MAP3K7: variants seen among roughly 807,000 people sequenced by gnomAD.
MAP3K7 encodes the protein mitogen-activated protein kinase kinase kinase 7.
In MAP3K7, 21 loss-of-function variants were observed where a neutral mutation model predicts 84.8. The observed-to-expected ratio is 0.25, with a 90% confidence interval of 0.18 to 0.36. The LOEUF (loss-of-function observed/expected upper bound fraction) is 0.36. Ranked by LOEUF, MAP3K7 falls within the 10% of genes least tolerant of loss-of-function variation. MAP3K7 has a pLI of 1.00. For synonymous variants in MAP3K7, 241 were observed against 247.7 expected, an observed-to-expected ratio of 0.97 and a Z score of 0.25; for missense variants, 503 against 747.7, an observed-to-expected ratio of 0.67 and a Z score of 3.82.
chr6:90,563,482 A>C (rs531603843), intron 3 of MAP3K7, among the ~76,000 whole-genome samples: 4 of 152,360 alleles, frequency 2.6e-5, no homozygotes, highest in African/African-American at 9.6e-5. Flanking sequence ...CAGTGATTGA[A>C]GATCAAATGA....
At chr6:90,578,825 C>A (rs980127011) in intron 1 of MAP3K7, among the ~76,000 whole-genome samples, 1 of 152,104 alleles carries the variant, frequency 6.6e-6, no homozygotes, top group Admixed American at 6.5e-5. Flanking sequence ...TTCCTTTCTT[C>A]AAGAAATAAC....
chr6:90,570,575 G>A (rs1776868791), intron 2 of MAP3K7, among the ~76,000 whole-genome samples: 1 of 152,154 alleles, frequency 6.6e-6, no homozygotes, highest in South Asian at 2.1e-4. Context: ...GCTCAAAGTA[G>A]TTGTCTTTGG....
At chr6:90,568,285 G>T (rs1341334508) in intron 3 of MAP3K7, among the ~76,000 whole-genome samples, 1 of 151,756 alleles carries the variant, frequency 6.6e-6, no homozygotes, top group African/African-American at 2.4e-5. Context: ...AATAATATGG[G>T]AGCAATGCCA....
chr6:90,536,330 G>T lies in MAP3K7; in HGVS notation c.1356+7C>A. The T allele has an allele frequency of 6.2e-7, 1 of 1,607,250 alleles. No individual in the cohort carries two copies. Among genetic ancestry groups the T allele is most frequent in the Non-Finnish European group, 8.5e-7 (1 of 1,174,250 alleles). ...TTCAAAGATAGAAAATTTGAATGTTGTCTTACCTGACCAGGTTCTGTTCCA... is the reference window on the plus strand; with the variant it reads ...TTCAAAGATAGAAAATTTGAATGTTTTCTTACCTGACCAGGTTCTGTTCCA... On this transcript the variant is annotated splice_region_variant and intron_variant, in intron 13 of 16. Coordinates refer to ENST00000369329, the MANE Select transcript of MAP3K7 (RefSeq NM_145331.3).
At chr6:90,582,206 T>C (rs1255616225) in intron 1 of MAP3K7, among the ~76,000 whole-genome samples, 2 of 152,228 alleles carry the variant, frequency 1.3e-5, no homozygotes, top group Non-Finnish European at 2.9e-5. Flanking sequence ...CTAACTATAA[T>C]AGAGTCGACA....
Position 90,556,629 on chromosome 6 carries a change from T to TC in MAP3K7, c.483-6_483-5insG, listed in dbSNP as rs769034478. 6.5e-7 allele frequency: 1 copy of TC among 1,550,338 alleles called. No individual in the cohort carries two copies. The highest frequency in any genetic ancestry group is 8.6e-7 in the Non-Finnish European group (1 of 1,158,018). ...CCCCCTGCAACCAGCAGTAAGCTGT[T>TC]TAAAAAAAAACAAAAAACATCAAAA... On this transcript the variant is annotated splice_region_variant and splice_polypyrimidine_tract_variant and intron_variant, in intron 5 of 16. Transcript: ENST00000369329.
At position 90,582,381 on chromosome 6, in the gene MAP3K7, A is replaced by C. The variant is rs539683008; in HGVS notation, c.120+4383T>G. Among the ~76,000 whole-genome samples the C allele has an allele frequency of 3.9e-5, 6 of 152,346 alleles. No individual in the cohort carries two copies. In the South Asian group the frequency reaches 1.2e-3, roughly 32 times the overall value. On this transcript the variant is annotated intron_variant, in intron 1 of 16. Coordinates refer to ENST00000369329, the MANE Select transcript of MAP3K7 (RefSeq NM_145331.3). The stretch of plus-strand genomic sequence containing the variant: ...CTCATTGAACAAATATGTATAGAGA[A>C]CCTTCTAGGTTCTAGGCATTGGGGT...
At chr6:90,585,375 T>A (rs531565686) in intron 1 of MAP3K7, among the ~76,000 whole-genome samples, 13 of 152,288 alleles carry the variant, frequency 8.5e-5, no homozygotes, top group East Asian at 1.9e-4. Context: ...GGAAAAAAAA[T>A]TTATTTGTTG....
intron 12 of MAP3K7, among the ~76,000 whole-genome samples, chr6:90,541,588 G>C (rs930530822): frequency 6.6e-6 from 1 of 152,038 alleles, no homozygotes; most frequent in Non-Finnish European, 1.5e-5. Flanking sequence ...TTCAGAGCCA[G>C]TAATATGGTA....
At chr6:90,562,954 G>A (rs1388735285) in intron 3 of MAP3K7, among the ~76,000 whole-genome samples, 1 of 152,190 alleles carries the variant, frequency 6.6e-6, no homozygotes, top group African/African-American at 2.4e-5. Flanking sequence ...ATGATACCCA[G>A]ACAAACACGG....
intron 12 of MAP3K7, chr6:90,542,211 G>C (rs1237045706): frequency 1.0e-6 from 1 of 981,506 alleles, no homozygotes; most frequent in Non-Finnish European, 1.2e-6. Flanking sequence ...TATTCCCAAA[G>C]GATGGGCGGT....
chr6:90,522,405 C>T (rs767582469), intron 14 of MAP3K7, among the ~76,000 whole-genome samples: 1 of 152,078 alleles, frequency 6.6e-6, no homozygotes, highest in Non-Finnish European at 1.5e-5. Flanking sequence ...GAGTACCAGA[C>T]CCGGGCAAAT....
Position 90,549,713 on chromosome 6 carries a change from GA to G in MAP3K7, c.949+754del, listed in dbSNP as rs151074385. Among the ~76,000 whole-genome samples the G allele has an allele frequency of 4.7e-3, 717 of 152,256 alleles. 7 individuals are homozygous for G. The highest frequency in any genetic ancestry group is 0.016 in the African/African-American group (677 of 41,540). ...GAGACACAAATGATAGAATTTTAGA[GA>G]AGTACATTTTAGAATTCAGAGCAAC... On this transcript the variant is annotated intron_variant, in intron 9 of 16. Coordinates refer to ENST00000369329, the MANE Select transcript of MAP3K7 (RefSeq NM_145331.3).
intron 1 of MAP3K7, among the ~76,000 whole-genome samples, chr6:90,578,524 G>T (rs1228086964): frequency 2.6e-5 from 4 of 152,118 alleles, no homozygotes; most frequent in African/African-American, 9.7e-5. Context: ...ATCTGCCTGG[G>T]TTGGCCTTCC....
intron 13 of MAP3K7, among the ~76,000 whole-genome samples, chr6:90,534,003 T>A (rs1775588536): frequency 6.6e-6 from 1 of 152,236 alleles, no homozygotes; most frequent in Non-Finnish European, 1.5e-5. Context: ...ATATCATTAC[T>A]TTTAATTAAG....
chr6:90,544,687 GAAAATGAT>G (rs1775950386), intron 11 of MAP3K7, 55 bp from the exon 12 acceptor site: 5 of 1,382,572 alleles, frequency 3.6e-6, no homozygotes. Flanking sequence ...CAGTAACACG[GAAAATGAT>G]TAACTACAAA....
intron 13 of MAP3K7, among the ~76,000 whole-genome samples, chr6:90,534,697 TC>T (rs1397121203): frequency 2.0e-5 from 3 of 152,152 alleles, no homozygotes; most frequent in African/African-American, 7.2e-5. Context: ...TGTGGGAAGA[TC>T]AGTCCTGAAT....
chr6:90,532,957 G>C lies in MAP3K7; in HGVS notation c.1356+3380C>G, dbSNP rs140319753. On this transcript the variant is annotated intron_variant, in intron 13 of 16. Coordinates refer to ENST00000369329, the MANE Select transcript of MAP3K7 (RefSeq NM_145331.3). Reference sequence around the variant, plus strand: ...TGCAAGTTAGAATGATTAAAGTATAGAGTTTGTGTGCTTTGCAATCAGGTC... The same window carrying C: ...TGCAAGTTAGAATGATTAAAGTATACAGTTTGTGTGCTTTGCAATCAGGTC... 4.4e-4 allele frequency among the ~76,000 whole-genome samples: 67 copies of C among 152,310 alleles called. 1 individual carries two copies. In the East Asian group the frequency reaches 0.01, roughly 23 times the overall value.
At chr6:90,555,208 T>C (rs1467041013) in intron 6 of MAP3K7, among the ~76,000 whole-genome samples, 2 of 152,212 alleles carry the variant, frequency 1.3e-5, no homozygotes, top group African/African-American at 4.8e-5. Context: ...ACATATAAGC[T>C]TGACATTTAT....
Sources: allele counts gnomAD v4.1 joint callset (sites outside exome capture counted in the v4.1 genomes callset), GRCh38; gene constraint gnomAD v4.1.1; transcripts MANE v1.5; gene names NCBI Gene and HGNC (gene_info 2026-07-23, HGNC 2026-07-21).